MECR: variants seen among roughly 807,000 people sequenced by gnomAD.
MECR encodes the protein enoyl-[acyl-carrier-protein] reductase, mitochondrial.
In MECR, 37 loss-of-function variants were observed where a neutral mutation model predicts 49.1. The ratio of observed to expected loss-of-function variants is 0.75; its 90% CI spans 0.58 to 0.99. The LOEUF is 0.99. Among genes scored for constraint, MECR ranks in the 50% least tolerant of loss-of-function variants. The probability of loss-of-function intolerance (pLI) is 0.00; values close to 1 mark genes in which losing one functional copy is unlikely to be tolerated. For synonymous variants in MECR, 198 were observed against 191.1 expected (o/e 1.04, Z -0.30); for missense variants, 470 against 479.6 (o/e 0.98, Z 0.19).
intron 1 of MECR, among the ~76,000 whole-genome samples, chr1:29,222,139 G>A (rs1372516037): frequency 6.6e-6 from 1 of 152,186 alleles, no homozygotes; most frequent in Non-Finnish European, 1.5e-5. Context: ...TGTCGCCCAG[G>A]CTGGAGTGCT....
the MECR span, among the ~76,000 whole-genome samples, chr1:29,183,383 C>A: frequency 6.7e-6 from 1 of 148,282 alleles, no homozygotes; most frequent in South Asian, 2.1e-4. Context: ...CTTTGCATTT[C>A]TCTCTCTCTC....
At chr1:29,229,676 T>C (rs1385199219) in intron 1 of MECR, among the ~76,000 whole-genome samples, 2 of 152,210 alleles carry the variant, frequency 1.3e-5, no homozygotes, top group Non-Finnish European at 2.9e-5. Flanking sequence ...CTATGAACTT[T>C]GTCTGTACTG....
intron 4 of MECR, among the ~76,000 whole-genome samples, chr1:29,205,196 T>G (rs1227009726): frequency 6.6e-6 from 1 of 152,138 alleles, no homozygotes; most frequent in African/African-American, 2.4e-5. Context: ...TGTTTTGTTT[T>G]GTTTTTGAGA....
the MECR span, chr1:29,170,109 C>T: frequency 6.6e-6 from 1 of 152,158 alleles, no homozygotes; most frequent in Non-Finnish European, 1.5e-5. Flanking sequence ...AGGGCAGATA[C>T]AATCATCTGT....
At chr1:29,177,283 GT>G in the MECR span, among the ~76,000 whole-genome samples, 1,582 of 137,810 alleles carry the variant, frequency 0.011, 26 homozygotes, top group African/African-American at 0.039. Flanking sequence ...AACTCTTTTT[GT>G]TTTTTTTTTT....
intron 9 of MECR, among the ~76,000 whole-genome samples, chr1:29,195,604 G>T (rs1281886495): frequency 2.0e-5 from 3 of 152,338 alleles, no homozygotes; most frequent in Middle Eastern, 6.8e-3. Context: ...CCCACTGCTG[G>T]CTAGGCAGAA....
intron 9 of MECR, among the ~76,000 whole-genome samples, chr1:29,195,396 G>T (rs1673716320): frequency 6.6e-6 from 1 of 152,200 alleles, no homozygotes; most frequent in South Asian, 2.1e-4. Flanking sequence ...ATCCCGCTCT[G>T]GGGAGCCAGT....
At chr1:29,181,954 A>G in the MECR span, 1 of 404,382 alleles carries the variant, frequency 2.5e-6, no homozygotes, top group African/African-American at 2.1e-5. Flanking sequence ...GCGGAAGGTA[A>G]CCGGAGAGAG....
chr1:29,184,871 TCCC>T, the MECR span, among the ~76,000 whole-genome samples: 47 of 152,284 alleles, frequency 3.1e-4, no homozygotes, highest in African/African-American at 8.7e-4. Flanking sequence ...ACACCTGTAA[TCCC>T]AGCACTTTGG....
the MECR span, among the ~76,000 whole-genome samples, chr1:29,178,932 A>G: frequency 6.6e-6 from 1 of 152,100 alleles, no homozygotes; most frequent in Non-Finnish European, 1.5e-5. Context: ...CTGTTTGGTG[A>G]CTGTCATACC....
At chr1:29,207,171 G>C (rs1676814515) in intron 3 of MECR, among the ~76,000 whole-genome samples, 1 of 152,062 alleles carries the variant, frequency 6.6e-6, no homozygotes, top group Non-Finnish European at 1.5e-5. Context: ...GCCCAGGCTG[G>C]AGTGCAATGG....
chr1:29,188,665 G>A (rs1673071001), downstream of MECR, among the ~76,000 whole-genome samples: 1 of 151,118 alleles, frequency 6.6e-6, no homozygotes, highest in African/African-American at 2.4e-5. Flanking sequence ...TTTTGAGACA[G>A]TTTCACTCTT....
intron 3 of MECR, 85 bp from the exon 4 acceptor site, chr1:29,206,990 T>A: frequency 6.7e-7 from 1 of 1,482,982 alleles, no homozygotes; most frequent in Middle Eastern, 1.8e-4. Context: ...CCAAGAAGCA[T>A]CCAGGATAGT....
chr1:29,181,831 G>GCGGCGGCGGCGGCAA, the MECR span: 915 of 1,177,206 alleles, frequency 7.8e-4, 2 homozygotes, highest in Middle Eastern at 1.2e-3. Flanking sequence ...CACGGCGGCA[G>GCGGCGGCGGCGGCAA]CGGCGGCGGC....
downstream of MECR, among the ~76,000 whole-genome samples, chr1:29,189,809 G>T (rs1396921319): frequency 6.6e-6 from 1 of 152,112 alleles, no homozygotes; most frequent in Non-Finnish European, 1.5e-5. Context: ...TTCTGTCTCA[G>T]AAATCTTTTG....
At chr1:29,177,245 G>A in the MECR span, among the ~76,000 whole-genome samples, 17,335 of 151,312 alleles carry the variant, frequency 0.11, 1,360 homozygotes, top group East Asian at 0.41. Context: ...CGTGCATCTA[G>A]GATTCCTGCC....
chr1:29,176,764 G>A, the MECR span, among the ~76,000 whole-genome samples: 1 of 152,038 alleles, frequency 6.6e-6, no homozygotes, highest in African/African-American at 2.4e-5. Flanking sequence ...ATTAAACAAG[G>A]GCGAAAACAA....
chr1:29,178,189 C>T, the MECR span, among the ~76,000 whole-genome samples: 2 of 151,978 alleles, frequency 1.3e-5, no homozygotes, highest in Non-Finnish European at 2.9e-5. Flanking sequence ...TGTGAGCCAC[C>T]GTGACCGGTC....
At chr1:29,190,587 AGT>A (rs1673101673), downstream of MECR, among the ~76,000 whole-genome samples, 1 of 152,090 alleles carries the variant, frequency 6.6e-6, no homozygotes, top group Non-Finnish European at 1.5e-5. Flanking sequence ...TGAGGTCAGG[AGT>A]TCGAGACCAG....
Sources: allele counts gnomAD v4.1 joint callset (sites outside exome capture counted in the v4.1 genomes callset), GRCh38; gene constraint gnomAD v4.1.1; transcripts MANE v1.5; gene names NCBI Gene and HGNC (gene_info 2026-07-23, HGNC 2026-07-21).